CMSS1: variants seen among roughly 807,000 people sequenced by gnomAD.
CMSS1 encodes the protein cms1 ribosomal small subunit homolog, also known as protein CMSS1.
In CMSS1, 33 loss-of-function variants were observed where a neutral mutation model predicts 43.5. The ratio of observed to expected loss-of-function variants is 0.76; its 90% confidence interval spans 0.57 to 1.01. The LOEUF is 1.01. CMSS1 is among the 50% of genes least tolerant of loss of function. The pLI, the probability that CMSS1 is intolerant of heterozygous loss-of-function variation, is 0.00. For synonymous variants in CMSS1, 115 were observed against 117.2 expected, an observed-to-expected ratio of 0.98 and a Z score of 0.12; for missense variants, 313 against 326.4, an observed-to-expected ratio of 0.96 and a Z score of 0.32.
At chr3:99,831,925 G>T (rs1241271606) in intron 1 of CMSS1, among the ~76,000 whole-genome samples, 1 of 152,160 alleles carries the variant, frequency 6.6e-6, no homozygotes, top group Non-Finnish European at 1.5e-5. Flanking sequence ...TAGCCTACCT[G>T]GGTATGCATA....
chr3:99,862,850 C>T (rs1169079923), intron 1 of CMSS1, among the ~76,000 whole-genome samples: 2 of 152,212 alleles, frequency 1.3e-5, no homozygotes, highest in Non-Finnish European at 2.9e-5. Context: ...CTCCACAGCT[C>T]TTCTCCCTTC....
chr3:100,039,784 T>A (rs1462483531), intron 1 of CMSS1: 1 of 151,656 alleles, frequency 6.6e-6, no homozygotes, highest in Non-Finnish European at 1.5e-5. Flanking sequence ...GATGGAGTCT[T>A]GTTCTGTTGC....
At chr3:100,158,070 C>G (rs1166767711) in intron 2 of CMSS1, among the ~76,000 whole-genome samples, 3 of 152,158 alleles carry the variant, frequency 2.0e-5, no homozygotes, top group Non-Finnish European at 4.4e-5. Flanking sequence ...GTTGAAATCT[C>G]TCCATTACTG....
chr3:99,913,349 C>T lies in CMSS1; in HGVS notation c.64+95306C>T, dbSNP rs181852256. Among the ~76,000 whole-genome samples, 577 of 152,290 alleles carry T rather than the reference C, an allele frequency of 3.8e-3. 3 individuals are homozygous for T. Among genetic ancestry groups the T allele is most frequent in the African/African-American group, 0.013 (549 of 41,556 alleles). ...CATATGAGGGTTCCAGTTTCACATC[C>T]TTGTCAATACTTGTTATTATCTTTT... On this transcript the variant is annotated intron_variant, in intron 1 of 9. Coordinates refer to ENST00000421999, the MANE Select transcript of CMSS1 (RefSeq NM_032359.4).
chr3:100,065,417 T>C (rs1265481490), intron 1 of CMSS1, among the ~76,000 whole-genome samples: 1 of 152,184 alleles, frequency 6.6e-6, no homozygotes, highest in Non-Finnish European at 1.5e-5. Context: ...TTGCCTAAAA[T>C]CATCCTGCTA....
chr3:100,098,621 C>G (rs2066253645), intron 1 of CMSS1, among the ~76,000 whole-genome samples: 1 of 152,170 alleles, frequency 6.6e-6, no homozygotes, highest in Non-Finnish European at 1.5e-5. Context: ...TATTTTTGTG[C>G]ATATATTTCT....
intron 1 of CMSS1, among the ~76,000 whole-genome samples, chr3:100,048,839 A>G (rs1353323071): frequency 6.6e-6 from 1 of 152,218 alleles, no homozygotes; most frequent in Non-Finnish European, 1.5e-5. Context: ...ACTCTTTAAA[A>G]AAAAATCTGT....
chr3:99,847,844 G>T, intron 1 of CMSS1: 1 of 614,324 alleles, frequency 1.6e-6, no homozygotes, highest in Non-Finnish European at 2.0e-6. Context: ...AGAATTAATA[G>T]AGACTATAAG....
rs759728002 is a variant in CMSS1 at position 100,171,894 on chromosome 3, A to G, written c.574A>G (p.Ile192Val). Residue 192 changes from isoleucine to valine, a missense_variant, in exon 7 of 10, where the codon ATA (isoleucine) becomes GTA (valine). By Grantham distance (29) the Ile-to-Val change is conservative (BLOSUM62 3). Coordinates refer to ENST00000421999, the MANE Select transcript of CMSS1 (RefSeq NM_032359.4). ...AGTTATAAAATTATTTGCAAAGCAC[A>G]TAAAGGTAAGCAAGGGCCTGTGTGA... ...GKVIKLFAKH[I>V]KVQAQVKLLE... 4 of 1,613,620 alleles carry G rather than the reference A, an allele frequency of 2.5e-6. No individual in the cohort carries two copies. The highest frequency in any genetic ancestry group is 1.7e-6 in the Non-Finnish European group (2 of 1,179,598).
At chr3:100,128,621 G>C (rs984770925) in intron 1 of CMSS1, among the ~76,000 whole-genome samples, 2 of 152,086 alleles carry the variant, frequency 1.3e-5, no homozygotes, top group African/African-American at 4.8e-5. Flanking sequence ...ACACCTAAAA[G>C]TTCCTTAAGA....
At chr3:100,039,340 C>T (rs1212117282) in intron 1 of CMSS1, among the ~76,000 whole-genome samples, 1 of 152,118 alleles carries the variant, frequency 6.6e-6, no homozygotes, top group African/African-American at 2.4e-5. Flanking sequence ...CAAGACTCAC[C>T]TGCTACAGGA....
chr3:100,050,511 C>T (rs2065351618), intron 1 of CMSS1, among the ~76,000 whole-genome samples: 1 of 151,934 alleles, frequency 6.6e-6, no homozygotes, highest in Admixed American at 6.6e-5. Flanking sequence ...TCTGTAAATT[C>T]CCACAATTTG....
chr3:99,851,085 G>A (rs1943672993), intron 1 of CMSS1: 1 of 1,549,186 alleles, frequency 6.5e-7, no homozygotes, highest in Non-Finnish European at 8.7e-7. Flanking sequence ...AAAATGTAAA[G>A]TGCATTTTAT....
At chr3:99,989,114 A>G (rs977394465) in intron 1 of CMSS1, among the ~76,000 whole-genome samples, 29 of 152,222 alleles carry the variant, frequency 1.9e-4, no homozygotes, top group African/African-American at 7.0e-4. Context: ...GGGTGCTTTC[A>G]TATACATTAT....
At chr3:99,996,483 A>G (rs565746467) in intron 1 of CMSS1, among the ~76,000 whole-genome samples, 48 of 152,298 alleles carry the variant, frequency 3.2e-4, no homozygotes, top group African/African-American at 1.2e-3. Context: ...ACCCAGTTCC[A>G]AAGCCACTTC....
chr3:99,970,197 A>G (rs940164660), intron 1 of CMSS1, among the ~76,000 whole-genome samples: 1 of 152,344 alleles, frequency 6.6e-6, no homozygotes, highest in Middle Eastern at 3.4e-3. Flanking sequence ...CAGCTGAGAA[A>G]GTGAAGGCAT....
intron 1 of CMSS1, among the ~76,000 whole-genome samples, chr3:99,823,642 T>C (rs1221588713): frequency 6.6e-6 from 1 of 152,196 alleles, no homozygotes; most frequent in African/African-American, 2.4e-5. Flanking sequence ...TGTCCCTCAC[T>C]CACCAGCTAG....
rs1166983737 is a variant in CMSS1 at position 100,117,825 on chromosome 3, G to GTATATA, written c.65-29125_65-29120dup. 6.1e-3 allele frequency among the ~76,000 whole-genome samples: 460 copies of GTATATA among 75,108 alleles called. 9 individuals carry two copies. Among genetic ancestry groups the GTATATA allele is most frequent in the African/African-American group, 0.018 (289 of 16,176 alleles). The allele number at this position is 75,108 out of a possible 152,430, so 49.3% of individuals were successfully genotyped here. A position where few individuals can be genotyped will look rare whatever the true frequency, so the allele number is the denominator to read the frequency against. ...TCCATCAATGGATAGATAAACTGCAGTATATATATATATATATATATATAT... is the reference window on the plus strand; with the variant it reads ...TCCATCAATGGATAGATAAACTGCAGTATATATATATATATATATATATATATATAT... On this transcript the variant is annotated intron_variant, in intron 1 of 9. Transcript: ENST00000421999.
rs144586316 is a variant in CMSS1, at chr3:100,120,287, C to A, written c.65-26686C>A. Reference sequence around the variant, plus strand: ...GTTCAGTAGCCTTGTTGACATATGTCACTGCATTGCTTTCTTCCTTGTGTG... The same window carrying A: ...GTTCAGTAGCCTTGTTGACATATGTAACTGCATTGCTTTCTTCCTTGTGTG... On this transcript the variant is annotated intron_variant, in intron 1 of 9. Coordinates refer to ENST00000421999, the MANE Select transcript of CMSS1 (RefSeq NM_032359.4). Among the ~76,000 whole-genome samples, 709 of 152,298 alleles carry A rather than the reference C, an allele frequency of 4.7e-3. 2 individuals carry two copies. Among genetic ancestry groups the A allele is most frequent in the South Asian group, 6.6e-3 (32 of 4,826 alleles).
Sources: gnomAD v4.1 joint callset for allele counts (sites outside exome capture counted in the v4.1 genomes callset) on GRCh38, gnomAD v4.1.1 for gene constraint, MANE v1.5 for transcripts, NCBI Gene and HGNC (gene_info 2026-07-23, HGNC 2026-07-21) for gene names.